ZNF33A: variants seen among roughly 807,000 people sequenced by gnomAD.
ZNF33A encodes the protein brain my041 protein.
A neutral mutation model predicts 15.9 loss-of-function variants in ZNF33A; 9 were observed. The observed-to-expected ratio is 0.57, with a 90% CI of 0.34 to 0.99. ZNF33A has a LOEUF of 0.99. Among genes scored for constraint, ZNF33A ranks in the 50% least tolerant of loss-of-function variants. The probability of loss-of-function intolerance (pLI) is 0.02; values close to 1 mark genes in which losing one functional copy is unlikely to be tolerated. For synonymous variants in ZNF33A, 294 were observed against 324.2 expected (o/e 0.91, Z 1.00); for missense variants, 843 against 941.6 (o/e 0.90, Z 1.37).
chr10:38,066,184 A>G (rs2066708287), downstream of ZNF33A, among the ~76,000 whole-genome samples: 1 of 152,136 alleles, frequency 6.6e-6, no homozygotes, highest in African/African-American at 2.4e-5. Context: ...CCTTTTACTT[A>G]GTTATTGACA....
At chr10:38,025,024 A>G (rs963313772) in intron 4 of ZNF33A, among the ~76,000 whole-genome samples, 3 of 152,188 alleles carry the variant, frequency 2.0e-5, no homozygotes, top group Non-Finnish European at 2.9e-5. Flanking sequence ...TAACTTTTCT[A>G]TTTTATGATC....
chr10:38,055,159 T>G lies in ZNF33A; in HGVS notation c.1035T>G (p.Thr345=). The G allele has an allele frequency of 1.9e-6, 3 of 1,614,060 alleles. No homozygotes were observed. Among genetic ancestry groups the G allele is most frequent in the Non-Finnish European group, 2.5e-6 (3 of 1,179,950 alleles). The part of the protein sequence containing the change: ...GKAFWEKSHL[T]RHQRVHTGQK... ...CTTTCTGGGAGAAGTCACATCTCAC[T>G]CGACATCAGAGGGTGCACACAGGAC... Residue 345 remains threonine (T), a synonymous_variant, in exon 5 of 5, where the codon ACT becomes ACG. Coordinates refer to ENST00000432900, the MANE Select transcript of ZNF33A (RefSeq NM_006954.2).
At chr10:38,063,373 A>G (rs1271219291), downstream of ZNF33A, among the ~76,000 whole-genome samples, 1 of 152,222 alleles carries the variant, frequency 6.6e-6, no homozygotes, top group Non-Finnish European at 1.5e-5. Context: ...TGAATGGGAA[A>G]GAGGAGACAG....
chr10:38,015,241 G>A (rs1051439047), intron 2 of ZNF33A, among the ~76,000 whole-genome samples: 1 of 151,920 alleles, frequency 6.6e-6, no homozygotes, highest in Admixed American at 6.6e-5. Context: ...TCTCTTGATG[G>A]CTTTGAACAC....
chr10:38,050,109 C>A (rs934458586), intron 4 of ZNF33A, among the ~76,000 whole-genome samples: 4 of 152,196 alleles, frequency 2.6e-5, no homozygotes, highest in Admixed American at 2.0e-4. Flanking sequence ...TCTATACAGA[C>A]TTTTCCAGAA....
At chr10:38,020,610 A>G (rs1318579711) in intron 4 of ZNF33A, among the ~76,000 whole-genome samples, 1 of 152,210 alleles carries the variant, frequency 6.6e-6, no homozygotes, top group Non-Finnish European at 1.5e-5. Context: ...GAGAACATGC[A>G]AAATTTAACA....
At chr10:38,010,849 G>A (rs1386220122) in intron 1 of ZNF33A, 66 bp downstream of exon 1, 5 of 1,583,888 alleles carry the variant, frequency 3.2e-6, no homozygotes, top group Admixed American at 3.4e-5. Context: ...GCGGGCGGCA[G>A]GGGGCCGGTA....
chr10:38,042,564 T>G (rs1590635784), intron 4 of ZNF33A, among the ~76,000 whole-genome samples: 1 of 151,906 alleles, frequency 6.6e-6, no homozygotes, highest in African/African-American at 2.4e-5. Context: ...ATTTATTTTT[T>G]TTTTGAAACA....
chr10:38,031,739 C>T (rs1374155701), intron 4 of ZNF33A, among the ~76,000 whole-genome samples: 1 of 151,678 alleles, frequency 6.6e-6, no homozygotes, highest in Non-Finnish European at 1.5e-5. Context: ...CTGAGGCGGG[C>T]AGATCATGAG....
In ZNF33A at chr10:38,057,686, T is replaced by C. The variant is rs982156606; in HGVS notation, c.*1126T>C. The C allele has an allele frequency of 1.0e-5, 10 of 985,062 alleles. No individual in the cohort carries two copies. The African/African-American group carries it at 1.7e-4, about 17-fold the overall frequency. 61.0% of individuals were successfully genotyped at this position (985,062 alleles called of 1,614,324 possible). Reference sequence around the variant, plus strand: ...TGAAGATCTAGGCTCGCCTCCATGTTACTCCCTTTCTCTTCCTACCTGTGG... The same window carrying C: ...TGAAGATCTAGGCTCGCCTCCATGTCACTCCCTTTCTCTTCCTACCTGTGG... On this transcript the variant is annotated 3_prime_UTR_variant, in exon 5 of 5. Coordinates refer to ENST00000432900, the MANE Select transcript of ZNF33A (RefSeq NM_006954.2).
At chr10:38,026,683 C>T (rs114182875) in intron 4 of ZNF33A, among the ~76,000 whole-genome samples, 1 of 152,292 alleles carries the variant, frequency 6.6e-6, no homozygotes, top group African/African-American at 2.4e-5. Context: ...GGTAAGAATC[C>T]ATCAGCAAAC....
At chr10:38,010,628 C>T, upstream of ZNF33A, 3 of 1,353,352 alleles carry the variant, frequency 2.2e-6, no homozygotes, top group East Asian at 2.3e-5. Context: ...CAGCATCAAG[C>T]TGTGCGCGTG....
chr10:38,045,920 A>G (rs1201546053), intron 4 of ZNF33A, among the ~76,000 whole-genome samples: 3 of 152,184 alleles, frequency 2.0e-5, no homozygotes, highest in Admixed American at 1.3e-4. Context: ...TCTAGAGGCT[A>G]CAGCAGTGTT....
chr10:38,058,521 C>G lies in ZNF33A; in HGVS notation c.*1961C>G, dbSNP rs1018134848. On this transcript the variant is annotated 3_prime_UTR_variant, in exon 5 of 5. Coordinates refer to ENST00000432900, the MANE Select transcript of ZNF33A (RefSeq NM_006954.2). ...GTGGTTCATGCCTGTAATCCCAGCA[C>G]TTCACTTTGGGAGGCTGAGGCGGGT... is the stretch of plus-strand genomic sequence containing the variant. 2.3e-4 allele frequency: 35 copies of G among 152,322 alleles called. No homozygotes were observed. Among genetic ancestry groups the G allele is most frequent in the Admixed American group, 2.0e-3 (31 of 15,300 alleles). 9.4% of individuals were successfully genotyped at this position (152,322 alleles called of 1,614,324 possible). A position where few individuals can be genotyped will look rare whatever the true frequency, so the allele number is the denominator to read the frequency against.
chr10:38,050,295 C>T (rs576752694), intron 4 of ZNF33A, among the ~76,000 whole-genome samples: 31 of 152,306 alleles, frequency 2.0e-4, no homozygotes, highest in African/African-American at 7.5e-4. Flanking sequence ...GTTATTAATA[C>T]CTCATGACCA....
At chr10:38,028,816 A>T (rs1223578242) in intron 4 of ZNF33A, among the ~76,000 whole-genome samples, 3 of 151,002 alleles carry the variant, frequency 2.0e-5, no homozygotes, top group African/African-American at 7.3e-5. Context: ...TTCCCTTCTC[A>T]TTTCCTTCTG....
In ZNF33A at chr10:38,056,534, C is replaced by G; in HGVS notation, c.2410C>G (p.Pro804Ala). The G allele has an allele frequency of 6.3e-7, 1 of 1,582,086 alleles. No homozygotes were observed. The highest frequency in any genetic ancestry group is 8.6e-7 in the Non-Finnish European group (1 of 1,166,202). Residue 804 changes from proline to alanine, a missense_variant, in exon 5 of 5, where the codon CCT (proline) becomes GCT (alanine). Physicochemically the swap from Pro to Ala is conservative, Grantham distance 27 (BLOSUM62 -1). Transcript: ENST00000432900. ...ASEYSHCGES[P>A]DDILNVQ ...AGAGTATTCACACTGTGGAGAAAGCCCTGATGACATCCTGAATGTTCAGTA... is the reference window on the plus strand; with the variant it reads ...AGAGTATTCACACTGTGGAGAAAGCGCTGATGACATCCTGAATGTTCAGTA...
At chr10:38,031,918 G>T (rs2065229570) in intron 4 of ZNF33A, among the ~76,000 whole-genome samples, 1 of 152,030 alleles carries the variant, frequency 6.6e-6, no homozygotes, top group Admixed American at 6.6e-5. Flanking sequence ...AGCTGAGATG[G>T]CGCCACTGCA....
intron 4 of ZNF33A, among the ~76,000 whole-genome samples, chr10:38,031,982 A>G (rs1392105167): frequency 6.6e-6 from 1 of 152,084 alleles, no homozygotes; most frequent in African/African-American, 2.4e-5. Context: ...ATAAAATAAA[A>G]TAAAGGTAAT....
Sources: allele counts gnomAD v4.1 joint callset (sites outside exome capture counted in the v4.1 genomes callset), GRCh38; gene constraint gnomAD v4.1.1; transcripts MANE v1.5; gene names NCBI Gene and HGNC (gene_info 2026-07-23, HGNC 2026-07-21).